The following SHROOM3 variants were observed in gnomAD, a reference collection of about 807,000 sequenced individuals.
The protein encoded by SHROOM3 is protein Shroom3.
Under a neutral mutation model 138.6 loss-of-function variants are expected in SHROOM3, and 47 were observed. The observed-to-expected ratio is 0.34, with a 90% CI of 0.27 to 0.43. The LOEUF (loss-of-function observed/expected upper bound fraction) is 0.43, where lower values mean the gene tolerates loss of function less well. Ranked by LOEUF, SHROOM3 falls within the 20% of genes least tolerant of loss-of-function variation. The pLI is 1.00. For missense variants in SHROOM3, 2,491 were observed against 2,596.5 expected, an observed-to-expected ratio of 0.96 and a Z score of 0.88; for synonymous variants, 1,062 against 1,063.3, an observed-to-expected ratio of 1.00 and a Z score of 0.02.
intron 2 of SHROOM3, among the ~76,000 whole-genome samples, chr4:76,649,143 C>A (rs1033221299): frequency 1.3e-5 from 2 of 152,126 alleles, no homozygotes; most frequent in African/African-American, 4.8e-5. Flanking sequence ...GATGAATCCA[C>A]CCCCAGCAAC....
At chr4:76,492,574 G>A (rs183508081) in intron 1 of SHROOM3, among the ~76,000 whole-genome samples, 6 of 152,254 alleles carry the variant, frequency 3.9e-5, no homozygotes, top group Admixed American at 6.5e-5. Context: ...TAAAGTTTAT[G>A]ATAAATTCTC....
chr4:76,746,467 G>A (rs1000476684), intron 5 of SHROOM3, among the ~76,000 whole-genome samples: 4 of 152,102 alleles, frequency 2.6e-5, no homozygotes, highest in African/African-American at 9.7e-5. Flanking sequence ...AGGAGCAATA[G>A]GCCTATACCA....
intron 2 of SHROOM3, among the ~76,000 whole-genome samples, chr4:76,709,495 G>A (rs1281911517): frequency 6.6e-6 from 1 of 152,054 alleles, no homozygotes; most frequent in African/African-American, 2.4e-5. Context: ...GCCATGTAGG[G>A]CTTAAAATTT....
Position 76,739,149 on chromosome 4 carries a change from T to C in SHROOM3, c.976T>C (p.Ser326Pro). Residue 326 changes from serine (S) to proline (P), a missense_variant, in exon 5 of 11, where the codon TCA becomes CCA. Around this residue, in one of 4 missense-constraint regions of SHROOM3, gnomAD observed 1,733 missense variants for 1,661.6 expected, o/e 1.04. Transcript: ENST00000296043. ...GVSAEYEVNS[S>P]ALLLQGREAR... ...CTCAGCAGAGTATGAGGTGAACTCT[T>C]CAGCCCTGCTGCTTCAAGGTAGGGA... 6.2e-7 allele frequency: 1 copy of C among 1,614,176 alleles called. No individual in the cohort carries two copies. Among genetic ancestry groups the C allele is most frequent in the Non-Finnish European group, 8.5e-7 (1 of 1,180,022 alleles).
rs2110135484 is a variant in SHROOM3 at position 76,741,919 on chromosome 4, A to G, written c.3746A>G (p.Lys1249Arg). 2 of 1,612,184 alleles carry G rather than the reference A, an allele frequency of 1.2e-6. No homozygotes were observed. Among genetic ancestry groups the G allele is most frequent in the East Asian group, 4.5e-5 (2 of 44,856 alleles). The part of the protein sequence containing the change: ...RSRSSPATAD[K>R]RQDVLLGQDS... ...AGGTCATCTCCCGCCACCGCAGACA[A>G]GCGCCAGGTACGTGCAACCAGCAAG... The change falls in exon 5 of 11, where the codon AAG becomes AGG. Residue 1249 changes from lysine to arginine, a missense_variant. Lys to Arg is a conservative substitution (Grantham distance 26). Around this residue, in one of 4 missense-constraint regions of SHROOM3, gnomAD observed 1,733 missense variants for 1,661.6 expected, o/e 1.04. Coordinates refer to ENST00000296043, the MANE Select transcript of SHROOM3 (RefSeq NM_020859.4). The surrounding 1 kb of genome is among the most constrained non-coding windows in gnomAD (Gnocchi z 6.2).
chr4:76,593,308 G>T (rs2110050226), intron 2 of SHROOM3, among the ~76,000 whole-genome samples: 2 of 152,256 alleles, frequency 1.3e-5, no homozygotes, highest in African/African-American at 2.4e-5. Context: ...CATACTAAAA[G>T]AAGCCCTTTG....
At chr4:76,772,999 A>G (rs1451753668) in intron 10 of SHROOM3, among the ~76,000 whole-genome samples, 1 of 152,160 alleles carries the variant, frequency 6.6e-6, no homozygotes, top group Non-Finnish European at 1.5e-5. Flanking sequence ...AAAGTCAAGA[A>G]AGAGATGCCA....
intron 2 of SHROOM3, among the ~76,000 whole-genome samples, chr4:76,695,862 T>C (rs936438836): frequency 2.0e-5 from 3 of 152,212 alleles, no homozygotes; most frequent in Non-Finnish European, 4.4e-5. Context: ...TGGTGCCACG[T>C]TGGTCTATTT....
chr4:76,569,699 G>GAT (rs558071210), intron 2 of SHROOM3, among the ~76,000 whole-genome samples: 1 of 147,502 alleles, frequency 6.8e-6, no homozygotes, highest in Non-Finnish European at 1.5e-5. Flanking sequence ...TCCTATGACA[G>GAT]TTTTTTTTTT....
At chr4:76,549,432 G>T (rs1026666167) in intron 1 of SHROOM3, among the ~76,000 whole-genome samples, 2 of 151,680 alleles carry the variant, frequency 1.3e-5, no homozygotes, top group South Asian at 2.1e-4. Flanking sequence ...GCAGTGGAGC[G>T]ATCTTGGCTC....
intron 2 of SHROOM3, among the ~76,000 whole-genome samples, chr4:76,558,540 C>G (rs1311381786): frequency 2.0e-5 from 3 of 152,108 alleles, no homozygotes; most frequent in African/African-American, 7.2e-5. Flanking sequence ...AGTTTACAAC[C>G]ATTTAAGGGC....
intron 1 of SHROOM3, among the ~76,000 whole-genome samples, chr4:76,481,348 C>T (rs190356508): frequency 6.6e-6 from 1 of 152,230 alleles, no homozygotes; most frequent in East Asian, 1.9e-4. Context: ...ATACTATAAA[C>T]ACCTCTACAC....
intron 2 of SHROOM3, chr4:76,709,885 GAAA>G: frequency 2.5e-6 from 1 of 398,006 alleles, no homozygotes; most frequent in Non-Finnish European, 4.7e-6. Flanking sequence ...TTTTTGCTTA[GAAA>G]ATCTGGGTTT....
chr4:76,559,990 G>T (rs772126843), intron 2 of SHROOM3, among the ~76,000 whole-genome samples: 1 of 152,080 alleles, frequency 6.6e-6, no homozygotes, highest in Non-Finnish European at 1.5e-5. Context: ...GAGAAGAAAT[G>T]ATAAAATAAT....
At chr4:76,742,097 C>T (rs1022357146) in intron 5 of SHROOM3, 171 bp downstream of exon 5, 1 of 861,486 alleles carries the variant, frequency 1.2e-6, no homozygotes, top group South Asian at 1.4e-5. Context: ...TGTCCCTTAC[C>T]TGGTTTCCTT....
intron 2 of SHROOM3, among the ~76,000 whole-genome samples, chr4:76,636,471 T>C (rs1042321868): frequency 1.3e-5 from 2 of 152,374 alleles, no homozygotes; most frequent in Non-Finnish European, 2.9e-5. Flanking sequence ...ATTAGTAATT[T>C]AAAATCACTT....
At position 76,740,674 on chromosome 4, in the gene SHROOM3, T is replaced by C. The variant is rs1721220038; in HGVS notation, c.2501T>C (p.Phe834Ser). The C allele has an allele frequency of 6.2e-7, 1 of 1,614,080 alleles. No homozygotes were observed. The highest frequency in any genetic ancestry group is 8.5e-7 in the Non-Finnish European group (1 of 1,180,006). Residue 834 changes from phenylalanine to serine, a missense_variant, in exon 5 of 11, where the codon TTC (phenylalanine) becomes TCC (serine). Physicochemically the swap from Phe to Ser is radical, Grantham distance 155. Coordinates refer to ENST00000296043, the MANE Select transcript of SHROOM3 (RefSeq NM_020859.4). This position sits in a 1 kb window ranked among gnomAD's most constrained non-coding sequence, Gnocchi z 4.0. ...GAGGAGACAAAAGCACACATTCGTT[T>C]CTCTGAGTCAGCTGAACCCCTAGGC... ...DFEETKAHIRFSESAEPLGNG... is the reference protein window; with the variant it reads ...DFEETKAHIRSSESAEPLGNG...
chr4:76,473,956 C>A (rs1233369801), intron 1 of SHROOM3, among the ~76,000 whole-genome samples: 1 of 152,152 alleles, frequency 6.6e-6, no homozygotes, highest in Non-Finnish European at 1.5e-5. Flanking sequence ...CTAGCAATTC[C>A]ATTTCTATCC....
chr4:76,774,712 TTTTTTTTG>T (rs1722489254), intron 10 of SHROOM3, among the ~76,000 whole-genome samples: 1 of 90,656 alleles, frequency 1.1e-5, no homozygotes. Context: ...TTTTGGGGTT[TTTTTTTTG>T]TTTTTTTTTT....
Sources: gnomAD v4.1 joint callset for allele counts (sites outside exome capture counted in the v4.1 genomes callset) on GRCh38, gnomAD v4.1.1 for gene constraint, gnomAD v4.1.1 regional missense constraint, Gnocchi (gnomAD v3.1) non-coding constraint, MANE v1.5 for transcripts, NCBI Gene and HGNC (gene_info 2026-07-23, HGNC 2026-07-21) for gene names.